Variants in EBF4 observed in about 807,000 individuals in gnomAD.
EBF4 encodes EBF transcription factor 4, also known as transcription factor COE4.
A neutral mutation model predicts 67.1 loss-of-function variants in EBF4; 34 were observed. The ratio of observed to expected loss-of-function variants is 0.51; its 90% CI spans 0.39 to 0.67. EBF4 has a LOEUF of 0.67. EBF4 is among the 30% of genes least tolerant of loss of function. The pLI, the probability that EBF4 is intolerant of heterozygous loss-of-function variation, is 0.00. For synonymous variants in EBF4, 387 were observed against 377.7 expected, an observed-to-expected ratio of 1.02 and a Z score of -0.29; for missense variants, 837 against 873.3, an observed-to-expected ratio of 0.96 and a Z score of 0.52.
chr20:2,724,629 G>A (rs1235306452), intron 6 of EBF4, among the ~76,000 whole-genome samples: 3 of 152,130 alleles, frequency 2.0e-5, no homozygotes, highest in Non-Finnish European at 2.9e-5. Flanking sequence ...AGCATGCCAG[G>A]CATGATGGCT....
chr20:2,694,703 G>C (rs1242669404), intron 1 of EBF4, among the ~76,000 whole-genome samples: 1 of 152,162 alleles, frequency 6.6e-6, no homozygotes, highest in Non-Finnish European at 1.5e-5. Context: ...GCAGCCCGAA[G>C]GGATTCTGAA....
chr20:2,708,892 T>C (rs1409141198), intron 5 of EBF4, among the ~76,000 whole-genome samples: 1 of 152,154 alleles, frequency 6.6e-6, no homozygotes, highest in South Asian at 2.1e-4. Context: ...ATTCACTTTG[T>C]GGCCATCCAT....
At chr20:2,757,690 T>C (rs1193885881) in intron 15 of EBF4, among the ~76,000 whole-genome samples, 1 of 152,188 alleles carries the variant, frequency 6.6e-6, no homozygotes, top group Non-Finnish European at 1.5e-5. Flanking sequence ...CTCACACGTG[T>C]AATCCTAGCA....
intron 15 of EBF4, among the ~76,000 whole-genome samples, chr20:2,757,939 G>C (rs547685121): frequency 3.3e-5 from 5 of 152,338 alleles, no homozygotes; most frequent in East Asian, 1.9e-4. Flanking sequence ...CTGGACAAGA[G>C]AGCAAGACTC....
At chr20:2,726,907 T>C (rs2087753722) in intron 6 of EBF4, among the ~76,000 whole-genome samples, 1 of 152,128 alleles carries the variant, frequency 6.6e-6, no homozygotes, top group Non-Finnish European at 1.5e-5. Context: ...AACCCGAAAC[T>C]CTATATTTAT....
rs1449154125 is a variant in EBF4 at position 2,752,183 on chromosome 20, AC to A, written c.1275del (p.Ala426ProfsTer121). 7.0e-7 allele frequency: 1 copy of A among 1,429,288 alleles called. No homozygotes were observed. The highest frequency in any genetic ancestry group is 1.4e-5 in the South Asian group (1 of 71,014). The allele number at this position is 1,429,288 out of a possible 1,614,324, so 88.5% of individuals were successfully genotyped here. A position where few individuals can be genotyped will look rare whatever the true frequency, so the allele number is the denominator to read the frequency against. On this transcript the variant is annotated frameshift_variant, in exon 13 of 17. Coordinates refer to ENST00000609451, the Ensembl canonical transcript of EBF4. LOFTEE classifies it high-confidence loss of function. ...GCACCCCTGGCCCCGAGCCACCCAC[AC>A]CCCGCCGTCGTGGGCATCAACGCCT...
At chr20:2,736,483 C>T (rs1296800852) in intron 6 of EBF4, among the ~76,000 whole-genome samples, 2 of 152,144 alleles carry the variant, frequency 1.3e-5, no homozygotes, top group African/African-American at 4.8e-5. Context: ...TGCAACATTC[C>T]CTGTTTTCCT....
chr20:2,706,550 T>C (rs2087462215), intron 4 of EBF4, among the ~76,000 whole-genome samples: 1 of 151,886 alleles, frequency 6.6e-6, no homozygotes. Flanking sequence ...TTTGGGGAGA[T>C]GGGAGGGGCT....
At chr20:2,750,908 C>T (rs1232033591) in intron 10 of EBF4, among the ~76,000 whole-genome samples, 1 of 152,148 alleles carries the variant, frequency 6.6e-6, no homozygotes, top group Non-Finnish European at 1.5e-5. Flanking sequence ...AGTGCTTTCT[C>T]TTTGCCGGGA....
At position 2,755,780 on chromosome 20, in the gene EBF4, C is replaced by A. The variant is rs1222630684; in HGVS notation, c.1694C>A (p.Ser565Tyr). ...GCCCCCGTGCTGCGCCCCCCAAGCTCCCCACCCCAGGCCTGCCCCAGAGCC... is the reference window on the plus strand; with the variant it reads ...GCCCCCGTGCTGCGCCCCCCAAGCTACCCACCCCAGGCCTGCCCCAGAGCC... The change falls in exon 15 of 17, where the codon TCC becomes TAC. Residue 565 changes from serine to tyrosine, a missense_variant. Around this residue, in one of 3 missense-constraint regions of EBF4, gnomAD observed 525 missense variants for 496.5 expected, o/e 1.06. Coordinates refer to ENST00000609451, the Ensembl canonical transcript of EBF4. The surrounding 1 kb of genome is among the most constrained non-coding windows in gnomAD (Gnocchi z 4.7). The A allele has an allele frequency of 6.5e-7, 1 of 1,549,992 alleles. No individual in the cohort carries two copies. The highest frequency in any genetic ancestry group is 8.7e-7 in the Non-Finnish European group (1 of 1,146,948).
At chr20:2,744,689 G>A (rs1437299085) in intron 6 of EBF4, among the ~76,000 whole-genome samples, 2 of 151,340 alleles carry the variant, frequency 1.3e-5, no homozygotes, top group African/African-American at 4.9e-5. Context: ...ATGGAGTTTC[G>A]CAGCATTGGG....
rs535842510 is a variant in EBF4, at chr20:2,737,026, G to T, written c.558-11523G>T. Reference sequence around the variant, plus strand: ...GCACTTTGGGAGGCCAAGGTGGGCAGATCACAAGGTCAGGAGATGGAGACC... The same window carrying T: ...GCACTTTGGGAGGCCAAGGTGGGCATATCACAAGGTCAGGAGATGGAGACC... On this transcript the variant is annotated intron_variant, in intron 6 of 16. Coordinates refer to ENST00000609451, the Ensembl canonical transcript of EBF4. 1.8e-4 allele frequency among the ~76,000 whole-genome samples: 27 copies of T among 152,152 alleles called. No homozygotes were observed. The East Asian group carries it at 3.5e-3, about 20-fold the overall frequency.
chr20:2,706,244 A>T, exon 4 of EBF4: 1 of 1,550,176 alleles, frequency 6.5e-7, no homozygotes, highest in Middle Eastern at 1.7e-4. Flanking sequence ...CGTGCGTCTC[A>T]TCGACTCCAT....
intron 6 of EBF4, among the ~76,000 whole-genome samples, chr20:2,743,310 G>A (rs1343560450): frequency 3.3e-5 from 5 of 152,146 alleles, no homozygotes; most frequent in African/African-American, 9.7e-5. Context: ...CCGGAGGGTC[G>A]GCAGTCTCTC....
chr20:2,714,114 T>C (rs985660866), intron 6 of EBF4, among the ~76,000 whole-genome samples: 1 of 152,314 alleles, frequency 6.6e-6, no homozygotes, highest in African/African-American at 2.4e-5. Context: ...ACCGTAACTA[T>C]TTTTTCTCAT....
intron 6 of EBF4, among the ~76,000 whole-genome samples, chr20:2,726,523 G>A (rs774847071): frequency 5.5e-4 from 84 of 151,494 alleles, no homozygotes; most frequent in Admixed American, 3.5e-3. Context: ...CAAGGTTACC[G>A]TGAGCTATGA....
intron 1 of EBF4, among the ~76,000 whole-genome samples, chr20:2,701,621 T>A (rs1055639796): frequency 1.3e-5 from 2 of 152,240 alleles, no homozygotes; most frequent in African/African-American, 4.8e-5. Context: ...AGGGTGTCTG[T>A]GTAGAAAGGG....
chr20:2,705,829 ACACACACACT>A, intron 2 of EBF4, 96 bp downstream of exon 2: 1 of 1,342,202 alleles, frequency 7.5e-7, no homozygotes, highest in Admixed American at 2.2e-5. Context: ...ACACACACAC[ACACACACACT>A]GGGACAGATG....
At chr20:2,744,088 T>TA (rs2088010336) in intron 6 of EBF4, among the ~76,000 whole-genome samples, 1 of 151,670 alleles carries the variant, frequency 6.6e-6, no homozygotes, top group Admixed American at 6.6e-5. Context: ...TTTTTTATTT[T>TA]TTTTTTTTTG....
Sources: allele counts gnomAD v4.1 joint callset (sites outside exome capture counted in the v4.1 genomes callset), GRCh38; gene constraint gnomAD v4.1.1; regional missense constraint gnomAD v4.1.1; non-coding constraint Gnocchi (gnomAD v3.1); transcripts MANE v1.5; gene names NCBI Gene and HGNC (gene_info 2026-07-23, HGNC 2026-07-21).